GZMM: variants seen among roughly 807,000 people sequenced by gnomAD.
The protein encoded by GZMM is HU-Met-1.
GZMM carries 23 observed loss-of-function variants against 19.2 expected under a neutral mutation model. The ratio of observed to expected loss-of-function variants is 1.20; its 90% CI spans 0.86 to 1.69. The LOEUF (loss-of-function observed/expected upper bound fraction) is 1.69, where lower values mean the gene tolerates loss of function less well. Ranked by LOEUF, GZMM falls within the 40% of genes most tolerant of loss-of-function variation. GZMM has a pLI of 0.00. For missense variants in GZMM, 373 were observed against 352.2 expected (o/e 1.06, Z -0.47); for synonymous variants, 178 against 160.2 (o/e 1.11, Z -0.84).
At position 544,070 on chromosome 19, in the gene GZMM, G is replaced by T. The variant is rs749803060; in HGVS notation, c.-2G>T. 6.5e-7 allele frequency: 1 copy of T among 1,548,168 alleles called. No individual in the cohort carries two copies. Among genetic ancestry groups the T allele is most frequent in the Non-Finnish European group, 8.7e-7 (1 of 1,146,758 alleles). On this transcript the variant is annotated 5_prime_UTR_variant, in exon 1 of 5. Transcript: ENST00000264553. The stretch of plus-strand genomic sequence containing the variant: ...GCACCCACACTGGGTCTCCACAGCG[G>T]CATGGAGGCCTGCGTGTCTTCACTG...
chr19:548,757 C>G, intron 3 of GZMM, 80 bp downstream of exon 3: 2 of 1,180,058 alleles, frequency 1.7e-6, no homozygotes, highest in Non-Finnish European at 2.4e-6. Flanking sequence ...CGCCCTCCCC[C>G]CGCTGCCGAC....
chr19:547,956 A>G (rs766385635), intron 2 of GZMM, among the ~76,000 whole-genome samples: 7 of 152,176 alleles, frequency 4.6e-5, no homozygotes, highest in African/African-American at 7.2e-5. Flanking sequence ...CAAGATGGTC[A>G]AAGTAACAAA....
Position 549,783 on chromosome 19 carries a change from T to C in GZMM, c.766T>C (p.Ser256Pro). ...VSWIRKVTGR[S>P]A ...CTGGATCAGGAAGGTCACCGGCCGATCGGCCTGATGCCCTGGGGTGATGGG... is the reference window on the plus strand; with the variant it reads ...CTGGATCAGGAAGGTCACCGGCCGACCGGCCTGATGCCCTGGGGTGATGGG... The change falls in exon 5 of 5, where the codon TCG (serine) becomes CCG (proline). Residue 256 changes from serine (S) to proline (P), a missense_variant. Physicochemically the swap from Ser to Pro is moderately conservative, Grantham distance 74. Transcript: ENST00000264553. 2 of 1,527,492 alleles carry C rather than the reference T, an allele frequency of 1.3e-6. No homozygotes were observed. Among genetic ancestry groups the C allele is most frequent in the South Asian group, 2.2e-5 (2 of 90,156 alleles). The allele number at this position is 1,527,492 out of a possible 1,614,324, so 94.6% of individuals were successfully genotyped here. A position where few individuals can be genotyped will look rare whatever the true frequency, so the allele number is the denominator to read the frequency against.
chr19:547,168 T>C (rs1361972189), intron 1 of GZMM, 112 bp from the exon 2 acceptor site: 60 of 1,018,582 alleles, frequency 5.9e-5, no homozygotes, highest in Non-Finnish European at 7.6e-5. Flanking sequence ...GGGACTTCAT[T>C]AGGATGGCAC....
At chr19:548,436 T>C in intron 2 of GZMM, 106 bp from the exon 3 acceptor site, 1 of 1,127,782 alleles carries the variant, frequency 8.9e-7, no homozygotes, top group Non-Finnish European at 1.3e-6. Context: ...GGGCAGCGGC[T>C]GTGAGTGATG....
Position 549,800 on chromosome 19 carries a change from G to A in GZMM, c.*9G>A. ...CCGGCCGATCGGCCTGATGCCCTGG[G>A]GTGATGGGGACCCCCTCGCTGTCTC... On this transcript the variant is annotated 3_prime_UTR_variant, in exon 5 of 5. Transcript: ENST00000264553. 1.2e-6 allele frequency: 2 copies of A among 1,609,262 alleles called. No homozygotes were observed. Among genetic ancestry groups the A allele is most frequent in the South Asian group, 1.1e-5 (1 of 91,026 alleles).
rs749634183 is a variant in GZMM at position 548,964 on chromosome 19, G to C, written c.391G>C (p.Ala131Pro). 19 of 1,600,324 alleles carry C rather than the reference G, an allele frequency of 1.2e-5. No individual in the cohort carries two copies. The highest frequency in any genetic ancestry group is 1.4e-5 in the Non-Finnish European group (17 of 1,172,742). ...GCCCAGCCGGACCATCCGGCCGTTG[G>C]CCCTGCCCAGTAAGCGCCAGGTGGT... is the stretch of plus-strand genomic sequence containing the variant. ...VKPSRTIRPL[A>P]LPSKRQVVAA... Residue 131 changes from alanine to proline, a missense_variant, in exon 4 of 5, where the codon GCC (alanine) becomes CCC (proline). By Grantham distance (27) the Ala-to-Pro change is conservative. Coordinates refer to ENST00000264553, the MANE Select transcript of GZMM (RefSeq NM_005317.4).
intron 1 of GZMM, among the ~76,000 whole-genome samples, chr19:545,247 G>T (rs530806400): frequency 1.3e-5 from 2 of 152,146 alleles, no homozygotes; most frequent in Non-Finnish European, 2.9e-5. Context: ...GCAAGAGGGC[G>T]GGTGGGGGGC....
chr19:547,148 G>T, intron 1 of GZMM, 132 bp from the exon 2 acceptor site: 1 of 773,748 alleles, frequency 1.3e-6, no homozygotes. Context: ...AAAAGTTTCG[G>T]GGAACACTGG....
chr19:544,933 GTCCA>G (rs1414707772), intron 1 of GZMM, among the ~76,000 whole-genome samples: 7 of 47,714 alleles, frequency 1.5e-4, no homozygotes, highest in Non-Finnish European at 2.8e-4. Flanking sequence ...CCACCCACCC[GTCCA>G]TCCATCATCC....
chr19:544,340 G>A (rs1348366315), intron 1 of GZMM, among the ~76,000 whole-genome samples: 2 of 152,204 alleles, frequency 1.3e-5, no homozygotes, highest in African/African-American at 4.8e-5. Context: ...GGTGTCCACC[G>A]GCTCACCTCG....
chr19:548,896 C>G (rs1330047775), intron 3 of GZMM, 26 bp from the exon 4 acceptor site: 10 of 1,505,034 alleles, frequency 6.6e-6, no homozygotes, highest in Non-Finnish European at 8.0e-6. Context: ...TCCCCCTGCT[C>G]ACCTGCCCCT....
Position 546,959 on chromosome 19 carries a change from CAG to C in GZMM, c.56-320_56-319del, listed in dbSNP as rs564776196. ...TCAGCCTCCCGAAGTGCTGGGATCA[CAG>C]GGGTGAGCCACCCACATCCGGCCTG... On this transcript the variant is annotated intron_variant, in intron 1 of 4. Coordinates refer to ENST00000264553, the MANE Select transcript of GZMM (RefSeq NM_005317.4). Among the ~76,000 whole-genome samples, 308 of 152,100 alleles carry C rather than the reference CAG, an allele frequency of 2.0e-3. 1 individual carries two copies. Among genetic ancestry groups the C allele is most frequent in the African/African-American group, 7.0e-3 (292 of 41,500 alleles).
At chr19:547,761 C>T (rs933089822) in intron 2 of GZMM, among the ~76,000 whole-genome samples, 7 of 152,128 alleles carry the variant, frequency 4.6e-5, no homozygotes, top group Non-Finnish European at 1.5e-5. Context: ...CCAACTTAGG[C>T]GGGGGCTTCT....
chr19:544,219 T>C, intron 1 of GZMM, 93 bp downstream of exon 1: 1 of 1,030,758 alleles, frequency 9.7e-7, no homozygotes, highest in Non-Finnish European at 1.5e-6. Context: ...GCCGACATCC[T>C]GGGTGTAAGA....
At position 548,591 on chromosome 19, in the gene GZMM, G is replaced by C. The variant is rs552477518; in HGVS notation, c.262G>C (p.Gly88Arg). 3 of 1,613,334 alleles carry C rather than the reference G, an allele frequency of 1.9e-6. No homozygotes were observed. The highest frequency in any genetic ancestry group is 2.7e-5 in the African/African-American group (2 of 74,958). The change falls in exon 3 of 5, where the codon GGT becomes CGT. Residue 88 changes from glycine (G) to arginine (R), a missense_variant. Gly to Arg is a moderately radical substitution (Grantham distance 125). Transcript: ENST00000264553. Reference protein sequence around the residue: ...VLGLHTLDSPGLTFHIKAAIQ... With the variant: ...VLGLHTLDSPRLTFHIKAAIQ... ...GGGGCTCCACACCCTGGACAGCCCC[G>C]GTCTCACCTTCCACATCAAGGCAGC... is the stretch of plus-strand genomic sequence containing the variant.
Position 547,399 on chromosome 19 carries a change from A to G in GZMM, c.175A>G (p.Lys59Glu). Residue 59 changes from lysine to glutamate, a missense_variant, in exon 2 of 5, where the codon AAG becomes GAG. By Grantham distance (56) the Lys-to-Glu change is moderately conservative. Transcript: ENST00000264553. The part of the protein sequence containing the change: ...HLCGGVLVHP[K>E]WVLTAAHCLA... Reference sequence around the variant, plus strand: ...GTGCGGGGGTGTCCTGGTGCACCCAAAGTGGGTGCTGACGGCTGCCCACTG... The same window carrying G: ...GTGCGGGGGTGTCCTGGTGCACCCAGAGTGGGTGCTGACGGCTGCCCACTG... 1 of 1,517,844 alleles carries G rather than the reference A, an allele frequency of 6.6e-7. No homozygotes were observed. The highest frequency in any genetic ancestry group is 8.8e-7 in the Non-Finnish European group (1 of 1,132,432). The allele number at this position is 1,517,844 out of a possible 1,614,324, so 94.0% of individuals were successfully genotyped here. A position where few individuals can be genotyped will look rare whatever the true frequency, so the allele number is the denominator to read the frequency against.
chr19:547,283 G>A lies in GZMM; in HGVS notation c.59G>A (p.Ser20Asn). 10 of 1,516,098 alleles carry A rather than the reference G, an allele frequency of 6.6e-6. No individual in the cohort carries two copies. The highest frequency in any genetic ancestry group is 2.2e-5 in the Admixed American group (1 of 45,982). 93.9% of individuals were successfully genotyped at this position (1,516,098 alleles called of 1,614,324 possible). Reference sequence around the variant, plus strand: ...TCTTTGTCCCCCATCCTGGCAGGCAGCTCCTTTGGGACCCAGATCATCGGG... The same window carrying A: ...TCTTTGTCCCCCATCCTGGCAGGCAACTCCTTTGGGACCCAGATCATCGGG... The part of the protein sequence containing the change: ...VLALGALSVG[S>N]SFGTQIIGGR... Residue 20 changes from serine to asparagine, a missense_variant, in exon 2 of 5, where the codon AGC (serine) becomes AAC (asparagine). Physicochemically the swap from Ser to Asn is conservative, Grantham distance 46 (BLOSUM62 1). Transcript: ENST00000264553.
chr19:545,036 T>C (rs1451424685), intron 1 of GZMM, among the ~76,000 whole-genome samples: 1 of 146,040 alleles, frequency 6.8e-6, no homozygotes, highest in Non-Finnish European at 1.5e-5. Flanking sequence ...ATCATGCCTC[T>C]CTCTTCCTTT....
Sources: gnomAD v4.1 joint callset for allele counts (sites outside exome capture counted in the v4.1 genomes callset) on GRCh38, gnomAD v4.1.1 for gene constraint, MANE v1.5 for transcripts, NCBI Gene and HGNC (gene_info 2026-07-23, HGNC 2026-07-21) for gene names.